Variants in EPS15 observed in about 807,000 individuals in gnomAD.
EPS15 encodes the protein epidermal growth factor receptor pathway substrate 15, also known as epidermal growth factor receptor substrate 15.
In EPS15, 72 loss-of-function variants were observed where a neutral mutation model predicts 113.8. The ratio of observed to expected loss-of-function variants is 0.63; its 90% CI spans 0.52 to 0.77. The LOEUF (loss-of-function observed/expected upper bound fraction) is 0.77. Ranked by LOEUF, EPS15 falls within the 30% of genes least tolerant of loss-of-function variation. The pLI is 0.00. For missense variants in EPS15, 1,048 were observed against 1,045.8 expected (o/e 1.00, Z -0.03); for synonymous variants, 344 against 363.4 (o/e 0.95, Z 0.61).
chr1:51,405,151 A>G (rs1049051429), intron 16 of EPS15, among the ~76,000 whole-genome samples: 12 of 152,310 alleles, frequency 7.9e-5, no homozygotes, highest in Admixed American at 4.6e-4. Flanking sequence ...CGCTTCCTTT[A>G]GCACAGCCCT....
intron 24 of EPS15, among the ~76,000 whole-genome samples, chr1:51,360,200 T>G (rs896459021): frequency 2.6e-5 from 4 of 152,164 alleles, no homozygotes; most frequent in African/African-American, 7.2e-5. Context: ...CAGAGTTACC[T>G]GGCCACTAGA....
At chr1:51,456,821 TAAAGTA>T (rs1259433358) in intron 8 of EPS15, among the ~76,000 whole-genome samples, 15 of 152,296 alleles carry the variant, frequency 9.8e-5, no homozygotes, top group South Asian at 4.1e-4. Flanking sequence ...CTCTATTTAT[TAAAGTA>T]AAAGGATAAA....
intron 4 of EPS15, among the ~76,000 whole-genome samples, chr1:51,468,794 C>A (rs1208258976): frequency 6.6e-6 from 1 of 152,044 alleles, no homozygotes; most frequent in Admixed American, 6.6e-5. Context: ...TGGGAAAATA[C>A]ATACAGATAG....
intron 1 of EPS15, among the ~76,000 whole-genome samples, chr1:51,490,132 T>G (rs193049145): frequency 6.6e-6 from 1 of 152,230 alleles, no homozygotes; most frequent in African/African-American, 2.4e-5. Context: ...TTGTCTCATA[T>G]GGAATTTCTG....
intron 12 of EPS15, among the ~76,000 whole-genome samples, chr1:51,433,285 G>A (rs747707059): frequency 2.8e-4 from 42 of 152,328 alleles, no homozygotes; most frequent in Admixed American, 2.5e-3. Context: ...TGCTGAACTC[G>A]GTGTTGGGGA....
rs143852060 is a variant in EPS15 at position 51,355,554 on chromosome 1, G to GT, written c.*1145dup. On this transcript the variant is annotated 3_prime_UTR_variant, in exon 25 of 25. Coordinates refer to ENST00000371733, the MANE Select transcript of EPS15 (RefSeq NM_001981.3). The stretch of plus-strand genomic sequence containing the variant: ...TTCTCTCCCAATTAAAAAAACAAGA[G>GT]TTTTTTTGCTAGCTTGACAATTTTA... 0.033 allele frequency: 6,357 copies of GT among 191,456 alleles called. 168 individuals are homozygous for GT. Among genetic ancestry groups the GT allele is most frequent in the Non-Finnish European group, 0.05 (4,574 of 91,654 alleles). 11.9% of individuals were successfully genotyped at this position (191,456 alleles called of 1,614,324 possible).
chr1:51,409,598 C>T lies in EPS15; in HGVS notation c.1212G>A (p.Gln404=). 6.2e-7 allele frequency: 1 copy of T among 1,614,098 alleles called. No individual in the cohort carries two copies. Among genetic ancestry groups the T allele is most frequent in the East Asian group, 2.2e-5 (1 of 44,884 alleles). The change falls in exon 14 of 25, where the codon CAG becomes CAA. Residue 404 remains glutamine (Q), a synonymous_variant. Coordinates refer to ENST00000371733, the MANE Select transcript of EPS15 (RefSeq NM_001981.3). ...VQELLDELDE[Q]KAQLEEQLKE... ...TGAGTTGCTCCTCCAGCTGGGCTTTCTGCTCATCCAGTTCATCAAGGAGTT... is the reference window on the plus strand; with the variant it reads ...TGAGTTGCTCCTCCAGCTGGGCTTTTTGCTCATCCAGTTCATCAAGGAGTT...
intron 1 of EPS15, among the ~76,000 whole-genome samples, chr1:51,502,153 A>G (rs1371719665): frequency 6.6e-6 from 1 of 152,154 alleles, no homozygotes; most frequent in Non-Finnish European, 1.5e-5. Flanking sequence ...CTGTTGCCCC[A>G]GTTACTTGGG....
rs541888400 is a variant in EPS15 at position 51,366,263 on chromosome 1, T to C, written c.2120-234A>G. ...TTGTGTTTTTTGTAGATATGGGGTT[T>C]TGCCATGTTGTCCAGGCTGATCCCA... On this transcript the variant is annotated intron_variant, in intron 21 of 24. Coordinates refer to ENST00000371733, the MANE Select transcript of EPS15 (RefSeq NM_001981.3). Among the ~76,000 whole-genome samples the C allele has an allele frequency of 3.3e-5, 5 of 152,306 alleles. 1 individual carries two copies. In the East Asian group the frequency reaches 9.6e-4, roughly 29 times the overall value.
chr1:51,459,436 C>T (rs908647300), intron 8 of EPS15, among the ~76,000 whole-genome samples: 12 of 152,026 alleles, frequency 7.9e-5, no homozygotes, highest in African/African-American at 2.9e-4. Context: ...GCGGTGGTTG[C>T]AGTGAGCCAA....
At chr1:51,392,214 T>A (rs1370667437) in intron 21 of EPS15, among the ~76,000 whole-genome samples, 1 of 152,216 alleles carries the variant, frequency 6.6e-6, no homozygotes, top group Non-Finnish European at 1.5e-5. Context: ...TACTACTACT[T>A]TAACCTTCTG....
intron 1 of EPS15, among the ~76,000 whole-genome samples, chr1:51,482,162 C>G (rs1168833230): frequency 6.6e-6 from 1 of 151,878 alleles, no homozygotes; most frequent in East Asian, 1.9e-4. Flanking sequence ...AGACTGAGAC[C>G]CTGTCTCAAA....
intron 23 of EPS15, among the ~76,000 whole-genome samples, chr1:51,363,498 T>C (rs1296148447): frequency 6.6e-6 from 1 of 152,054 alleles, no homozygotes; most frequent in Admixed American, 6.6e-5. Flanking sequence ...CTTAAATAAA[T>C]TATAATTAAA....
intron 13 of EPS15, among the ~76,000 whole-genome samples, chr1:51,412,542 T>G (rs1013954234): frequency 2.6e-5 from 4 of 152,206 alleles, no homozygotes; most frequent in African/African-American, 7.2e-5. Flanking sequence ...TGATCACAGT[T>G]TCAAACTGGT....
intron 10 of EPS15, among the ~76,000 whole-genome samples, chr1:51,445,749 T>C (rs1356645616): frequency 6.6e-6 from 1 of 152,186 alleles, no homozygotes; most frequent in Non-Finnish European, 1.5e-5. Flanking sequence ...ACATGTCACA[T>C]AGATCTTAAA....
chr1:51,508,263 AGAGAGAG>A (rs1644542484), intron 1 of EPS15, among the ~76,000 whole-genome samples: 1 of 136,070 alleles, frequency 7.3e-6, no homozygotes, highest in Non-Finnish European at 1.5e-5. Flanking sequence ...AGAGAGAGAG[AGAGAGAG>A]AGAAAGAGAG....
At chr1:51,425,807 G>A (rs1168273022) in intron 12 of EPS15, among the ~76,000 whole-genome samples, 1 of 152,178 alleles carries the variant, frequency 6.6e-6, no homozygotes, top group African/African-American at 2.4e-5. Context: ...GGCAAAATAT[G>A]TAAGATGTCA....
chr1:51,402,383 TAAA>T, intron 18 of EPS15, 49 bp downstream of exon 18: 1 of 988,294 alleles, frequency 1.0e-6, no homozygotes, highest in Non-Finnish European at 1.5e-6. Flanking sequence ...GTTTATATAT[TAAA>T]AAGTCTTTTT....
intron 2 of EPS15, among the ~76,000 whole-genome samples, chr1:51,476,088 G>A (rs1406335299): frequency 1.3e-5 from 2 of 152,152 alleles, no homozygotes; most frequent in African/African-American, 4.8e-5. Context: ...CTGCAGCCTT[G>A]TAGCATAGTT....
Sources: allele counts gnomAD v4.1 joint callset (sites outside exome capture counted in the v4.1 genomes callset), GRCh38; gene constraint gnomAD v4.1.1; transcripts MANE v1.5; gene names NCBI Gene and HGNC (gene_info 2026-07-23, HGNC 2026-07-21).